Variants in TRAPPC9 observed in about 807,000 individuals in gnomAD.
The protein encoded by TRAPPC9 is trafficking protein particle complex subunit 9, also known as IKK2 binding protein.
Under a neutral mutation model 124.0 loss-of-function variants are expected in TRAPPC9, and 83 were observed. That is an observed-to-expected ratio of 0.67 (90% CI 0.56 to 0.80). The LOEUF is 0.80. Ranked by LOEUF, TRAPPC9 falls within the 30% of genes least tolerant of loss-of-function variation. The pLI, the probability that TRAPPC9 is intolerant of heterozygous loss-of-function variation, is 0.00. For synonymous variants in TRAPPC9, 638 were observed against 617.5 expected (o/e 1.03, Z -0.49); for missense variants, 1,302 against 1,508.3 (o/e 0.86, Z 2.27).
intron 21 of TRAPPC9, among the ~76,000 whole-genome samples, chr8:139,739,904 A>G (rs1260837113): frequency 6.6e-6 from 1 of 152,216 alleles, no homozygotes; most frequent in African/African-American, 2.4e-5. Context: ...TGCTGGACAC[A>G]TAGATGGATG....
At chr8:140,280,792 A>C (rs58233967) in intron 14 of TRAPPC9, among the ~76,000 whole-genome samples, 6,045 of 152,218 alleles carry the variant, frequency 0.04, 216 homozygotes, top group African/African-American at 0.1. Context: ...GAGCACTTCC[A>C]ATCAGTTTAG....
intron 11 of TRAPPC9, among the ~76,000 whole-genome samples, chr8:140,295,607 G>C (rs2065783068): frequency 6.6e-6 from 1 of 152,228 alleles, no homozygotes; most frequent in Non-Finnish European, 1.5e-5. Context: ...TAGCTCAGAT[G>C]ATGGCCACAC....
rs1312987391 is a variant in TRAPPC9 at position 139,728,690 on chromosome 8, C to T, written c.*2371G>A. ...TCTCTACTGGGACAGAAAGGGTGCC[C>T]TGGGGGTGGGGAAGGGCCTGGGGCT... is the stretch of plus-strand genomic sequence containing the variant. On this transcript the variant is annotated 3_prime_UTR_variant, in exon 23 of 23. Coordinates refer to ENST00000438773, the MANE Select transcript of TRAPPC9 (RefSeq NM_001160372.4). Among the ~76,000 whole-genome samples the T allele has an allele frequency of 6.6e-6, 1 of 152,168 alleles. No homozygotes were observed. Among genetic ancestry groups the T allele is most frequent in the African/African-American group, 2.4e-5 (1 of 41,448 alleles).
chr8:140,048,845 G>A (rs1841792604), intron 17 of TRAPPC9, among the ~76,000 whole-genome samples: 1 of 152,104 alleles, frequency 6.6e-6, no homozygotes, highest in South Asian at 2.1e-4. Flanking sequence ...CCCATCCCCT[G>A]CTCCCCTACT....
Position 139,981,352 on chromosome 8 carries a change from C to A in TRAPPC9, c.2810+7374G>T, listed in dbSNP as rs540869919. ...ATGAGGGCACATCAGGATGCTTTCCCCTTGTTTCTAGAAATTATGTTTCTG... is the reference window on the plus strand; with the variant it reads ...ATGAGGGCACATCAGGATGCTTTCCACTTGTTTCTAGAAATTATGTTTCTG... On this transcript the variant is annotated intron_variant, in intron 19 of 22. Coordinates refer to ENST00000438773, the MANE Select transcript of TRAPPC9 (RefSeq NM_001160372.4). Among the ~76,000 whole-genome samples, 3 of 152,290 alleles carry A rather than the reference C, an allele frequency of 2.0e-5. No individual in the cohort carries two copies. In the East Asian group the frequency reaches 5.8e-4, roughly 29 times the overall value.
At chr8:139,832,731 G>A (rs994654058) in intron 21 of TRAPPC9, among the ~76,000 whole-genome samples, 1 of 152,124 alleles carries the variant, frequency 6.6e-6, no homozygotes, top group Non-Finnish European at 1.5e-5. Flanking sequence ...AGAGCCTCCT[G>A]CAGGAAGCAG....
intron 19 of TRAPPC9, among the ~76,000 whole-genome samples, chr8:139,924,018 C>T (rs374969021): frequency 1.3e-5 from 2 of 152,168 alleles, no homozygotes; most frequent in Non-Finnish European, 2.9e-5. Context: ...AGGTCCATGC[C>T]GAGCACGGGG....
intron 18 of TRAPPC9, among the ~76,000 whole-genome samples, chr8:140,019,788 G>A: frequency 6.6e-6 from 1 of 151,984 alleles, no homozygotes; most frequent in Non-Finnish European, 1.5e-5. Flanking sequence ...CTGACCTCAG[G>A]TGATCCGCCT....
At chr8:140,399,808 T>C (rs192266695) in intron 6 of TRAPPC9, among the ~76,000 whole-genome samples, 37 of 152,294 alleles carry the variant, frequency 2.4e-4, no homozygotes, top group African/African-American at 7.5e-4. Flanking sequence ...TGTGAGGACA[T>C]GAGATTTGAG....
chr8:140,351,916 G>A (rs935053232), intron 9 of TRAPPC9, among the ~76,000 whole-genome samples: 1 of 152,152 alleles, frequency 6.6e-6, no homozygotes, highest in African/African-American at 2.4e-5. Context: ...ATTAAAAGGT[G>A]CAATTCAATG....
chr8:140,079,395 AAGTTCCTTAACTTGATGAGGCCCCAGAG>A (rs1417439860), intron 17 of TRAPPC9, among the ~76,000 whole-genome samples: 2 of 152,150 alleles, frequency 1.3e-5, no homozygotes, highest in African/African-American at 4.8e-5. Context: ...TGAATTTGGC[AAGTTCCTTAACTTGATGAGGCCCCAGAG>A]AAGTAAGATA....
intron 17 of TRAPPC9, among the ~76,000 whole-genome samples, chr8:140,151,129 G>A (rs2061537541): frequency 6.6e-6 from 1 of 152,162 alleles, no homozygotes; most frequent in Non-Finnish European, 1.5e-5. Flanking sequence ...AAAGAACGAG[G>A]GAAGGTATCT....
At chr8:140,083,319 G>C (rs933135412) in intron 17 of TRAPPC9, among the ~76,000 whole-genome samples, 1 of 152,166 alleles carries the variant, frequency 6.6e-6, no homozygotes, top group African/African-American at 2.4e-5. Flanking sequence ...AATAAATGGG[G>C]CAGTATCTCA....
chr8:140,036,410 A>C (rs115851147), intron 17 of TRAPPC9, among the ~76,000 whole-genome samples: 1 of 152,288 alleles, frequency 6.6e-6, no homozygotes, highest in African/African-American at 2.4e-5. Context: ...TGAAGACATC[A>C]GAGCTGACCG....
At chr8:139,954,335 C>A (rs1300204150) in intron 19 of TRAPPC9, among the ~76,000 whole-genome samples, 3 of 152,078 alleles carry the variant, frequency 2.0e-5, no homozygotes, top group African/African-American at 7.2e-5. Context: ...TGACTGCGTC[C>A]CCCAGTAATT....
intron 17 of TRAPPC9, among the ~76,000 whole-genome samples, chr8:140,190,146 C>T (rs925852591): frequency 1.3e-5 from 2 of 152,134 alleles, no homozygotes; most frequent in African/African-American, 4.8e-5. Flanking sequence ...CTATAGAAAA[C>T]GGCTATAATA....
At chr8:139,899,523 T>C (rs1205830498) in intron 20 of TRAPPC9, among the ~76,000 whole-genome samples, 1 of 152,148 alleles carries the variant, frequency 6.6e-6, no homozygotes, top group East Asian at 1.9e-4. Flanking sequence ...GGTCTTGCTG[T>C]CTCAGGGGTG....
intron 21 of TRAPPC9, among the ~76,000 whole-genome samples, chr8:139,802,792 C>T (rs1257059653): frequency 6.6e-6 from 1 of 152,082 alleles, no homozygotes. Flanking sequence ...TGAAGCTTTG[C>T]AGTGTAGGCA....
At chr8:139,773,242 G>T (rs752001606) in intron 21 of TRAPPC9, among the ~76,000 whole-genome samples, 3 of 152,262 alleles carry the variant, frequency 2.0e-5, no homozygotes, top group Non-Finnish European at 4.4e-5. Flanking sequence ...CCCTCCTCGT[G>T]CCGATGGCTC....
Sources: gnomAD v4.1 joint callset for allele counts (sites outside exome capture counted in the v4.1 genomes callset) on GRCh38, gnomAD v4.1.1 for gene constraint, MANE v1.5 for transcripts, NCBI Gene and HGNC (gene_info 2026-07-23, HGNC 2026-07-21) for gene names.